The following ELL variants were observed in gnomAD, a reference collection of about 807,000 sequenced individuals.
The protein encoded by ELL is RNA polymerase II elongation factor ELL.
A neutral mutation model predicts 64.0 loss-of-function variants in ELL; 18 were observed. The observed-to-expected ratio is 0.28, with a 90% CI of 0.19 to 0.42. ELL has a LOEUF of 0.42. Among genes scored for constraint, ELL ranks in the 10% least tolerant of loss-of-function variants. The probability of loss-of-function intolerance (pLI) is 1.00; values close to 1 mark genes in which losing one functional copy is unlikely to be tolerated. For missense variants in ELL, 797 were observed against 870.4 expected, an observed-to-expected ratio of 0.92 and a Z score of 1.06; for synonymous variants, 399 against 376.2, an observed-to-expected ratio of 1.06 and a Z score of -0.70.
At chr19:18,484,693 T>A (rs1046061420) in intron 1 of ELL, among the ~76,000 whole-genome samples, 2 of 152,148 alleles carry the variant, frequency 1.3e-5, no homozygotes, top group African/African-American at 4.8e-5. Flanking sequence ...ACATGAGGCT[T>A]CACAACCAAT....
chr19:18,517,239 C>T, intron 1 of ELL, among the ~76,000 whole-genome samples: 1 of 152,110 alleles, frequency 6.6e-6, no homozygotes, highest in East Asian at 1.9e-4. Context: ...ACAAGAACAG[C>T]CACCTCACAA....
intron 1 of ELL, among the ~76,000 whole-genome samples, chr19:18,479,271 G>C (rs1168438356): frequency 6.6e-6 from 1 of 152,220 alleles, no homozygotes; most frequent in Non-Finnish European, 1.5e-5. Context: ...ATGTCAAGCA[G>C]TGCAGGGGCT....
chr19:18,494,118 T>C (rs1229888508), intron 1 of ELL, among the ~76,000 whole-genome samples: 1 of 152,098 alleles, frequency 6.6e-6, no homozygotes, highest in East Asian at 1.9e-4. Context: ...AAAGTTTCTG[T>C]TTGGAGACTG....
At chr19:18,470,806 T>G (rs1023732524) in intron 2 of ELL, among the ~76,000 whole-genome samples, 3 of 152,270 alleles carry the variant, frequency 2.0e-5, no homozygotes, top group Admixed American at 2.0e-4. Flanking sequence ...AAACTCTGCC[T>G]GAGGACTGCT....
intron 1 of ELL, among the ~76,000 whole-genome samples, chr19:18,520,048 C>G (rs755922526): frequency 2.6e-5 from 4 of 152,138 alleles, no homozygotes; most frequent in African/African-American, 4.8e-5. Context: ...TACCTTCACC[C>G]TAACATGAGG....
chr19:18,451,420 C>T (rs564453545), intron 7 of ELL, 132 bp downstream of exon 7: 13 of 845,956 alleles, frequency 1.5e-5, no homozygotes, highest in Middle Eastern at 5.6e-4. Flanking sequence ...GGTCCCTGGG[C>T]GGAGGGAGGC....
chr19:18,514,292 T>C (rs569215254), intron 1 of ELL, among the ~76,000 whole-genome samples: 4 of 151,820 alleles, frequency 2.6e-5, no homozygotes, highest in East Asian at 1.9e-4. Flanking sequence ...GGCAAGCAGA[T>C]CACGAGGTCA....
At chr19:18,482,308 C>CT (rs530594631) in intron 1 of ELL, among the ~76,000 whole-genome samples, 1,003 of 77,538 alleles carry the variant, frequency 0.013, 107 homozygotes, top group Non-Finnish European at 0.018. Flanking sequence ...CTTTTCATTC[C>CT]TTTTTTTTTT....
In ELL at chr19:18,444,533, G is replaced by T; in HGVS notation, c.*219C>A. On this transcript the variant is annotated 3_prime_UTR_variant, in exon 12 of 12. Transcript: ENST00000262809. ...CAGGGAGGAGGCAGTGGGCTTCCTGGGGAGCCCATCATAAGCAGGGACTGC... is the reference window on the plus strand; with the variant it reads ...CAGGGAGGAGGCAGTGGGCTTCCTGTGGAGCCCATCATAAGCAGGGACTGC... The T allele has an allele frequency of 2.0e-6, 1 of 489,966 alleles. No homozygotes were observed. The allele number at this position is 489,966 out of a possible 1,614,324, so 30.4% of individuals were successfully genotyped here. A position where few individuals can be genotyped will look rare whatever the true frequency, so the allele number is the denominator to read the frequency against.
chr19:18,493,907 C>T (rs1975588431), intron 1 of ELL, among the ~76,000 whole-genome samples: 2 of 152,218 alleles, frequency 1.3e-5, no homozygotes, highest in Admixed American at 1.3e-4. Flanking sequence ...GAAAGGTGAT[C>T]TAACCTACGA....
chr19:18,476,477 C>T (rs1454327770), intron 1 of ELL, among the ~76,000 whole-genome samples: 1 of 151,836 alleles, frequency 6.6e-6, no homozygotes, highest in Non-Finnish European at 1.5e-5. Flanking sequence ...GCCCTCCCAC[C>T]CACCCCGTGG....
intron 8 of ELL, among the ~76,000 whole-genome samples, chr19:18,447,401 G>C (rs1289151828): frequency 1.3e-5 from 2 of 152,240 alleles, no homozygotes; most frequent in African/African-American, 4.8e-5. Context: ...ACTAGACACT[G>C]AATTGCACGC....
intron 10 of ELL, 52 bp downstream of exon 10, chr19:18,446,257 G>C (rs1974411602): frequency 6.8e-7 from 1 of 1,481,222 alleles, no homozygotes; most frequent in African/African-American, 1.4e-5. Flanking sequence ...CGCCCAAGTG[G>C]GCCCTGGCTC....
chr19:18,445,362 T>TG, intron 10 of ELL, 94 bp from the exon 11 acceptor site: 1 of 636,900 alleles, frequency 1.6e-6, no homozygotes, highest in Non-Finnish European at 2.8e-6. Flanking sequence ...GAAGGGGGCA[T>TG]GGGAGGGTGG....
intron 1 of ELL, among the ~76,000 whole-genome samples, chr19:18,490,920 G>A (rs552126154): frequency 2.4e-4 from 37 of 152,224 alleles, no homozygotes; most frequent in African/African-American, 8.9e-4. Context: ...CTCACCACCG[G>A]CAGCAGGTGA....
Position 18,452,875 on chromosome 19 carries a change from G to A in ELL, c.870-1227C>T, listed in dbSNP as rs181009313. ...CCCCAAGCTGTGCAGTGTCCCCAAC[G>A]GCTGCACTGCAGCTTCCAGGCAACA... On this transcript the variant is annotated intron_variant, in intron 6 of 11. Transcript: ENST00000262809. 6.2e-4 allele frequency among the ~76,000 whole-genome samples: 94 copies of A among 152,364 alleles called. 1 individual carries two copies. The South Asian group carries it at 0.011, about 18-fold the overall frequency.
intron 1 of ELL, among the ~76,000 whole-genome samples, chr19:18,474,040 C>T (rs1028386351): frequency 1.3e-5 from 2 of 152,232 alleles, no homozygotes; most frequent in Non-Finnish European, 2.9e-5. Flanking sequence ...TCCACACCTG[C>T]GACAGTATCA....
chr19:18,477,927 G>A (rs1403185925), intron 1 of ELL, among the ~76,000 whole-genome samples: 1 of 152,192 alleles, frequency 6.6e-6, no homozygotes, highest in Non-Finnish European at 1.5e-5. Context: ...TGAATGTGGG[G>A]TGCTAAATAG....
chr19:18,451,325 C>T (rs770981364), intron 7 of ELL, among the ~76,000 whole-genome samples: 2 of 152,220 alleles, frequency 1.3e-5, no homozygotes, highest in Non-Finnish European at 2.9e-5. Flanking sequence ...CGCCCCCCGT[C>T]CCAGGTTCCG....
Sources: gnomAD v4.1 joint callset for allele counts (sites outside exome capture counted in the v4.1 genomes callset) on GRCh38, gnomAD v4.1.1 for gene constraint, MANE v1.5 for transcripts, NCBI Gene and HGNC (gene_info 2026-07-23, HGNC 2026-07-21) for gene names.